ARHGEF4: variants seen among roughly 807,000 people sequenced by gnomAD.
The protein encoded by ARHGEF4 is Rho guanine nucleotide exchange factor 4.
A neutral mutation model predicts 162.0 loss-of-function variants in ARHGEF4; 119 were observed. The observed-to-expected ratio is 0.73, with a 90% CI of 0.63 to 0.86. The LOEUF (loss-of-function observed/expected upper bound fraction) is 0.86, where lower values mean the gene tolerates loss of function less well. ARHGEF4 is among the 40% of genes least tolerant of loss of function. ARHGEF4 has a pLI of 0.00. For synonymous variants in ARHGEF4, 1,014 were observed against 979.9 expected (o/e 1.03, Z -0.65); for missense variants, 2,488 against 2,456.0 (o/e 1.01, Z -0.28).
chr2:130,990,624 G>T (rs1406718844), intron 4 of ARHGEF4, among the ~76,000 whole-genome samples: 2 of 151,752 alleles, frequency 1.3e-5, no homozygotes, highest in Non-Finnish European at 2.9e-5. Context: ...GCCCTGAAGA[G>T]GAGAGTTGAG....
chr2:130,992,274 C>G (rs1204899330), intron 4 of ARHGEF4, among the ~76,000 whole-genome samples: 4 of 152,180 alleles, frequency 2.6e-5, no homozygotes, highest in Non-Finnish European at 5.9e-5. Context: ...TGCGCTAGCA[C>G]TGGCAACCTG....
rs947065168 is a variant in ARHGEF4 at position 131,035,754 on chromosome 2, C to G, written c.4126-3099C>G. ...TCCCACGGGCAGAGCCCCTCTGCCC[C>G]CCTTGCACGTGGGCCCTCTGAAGCC... On this transcript the variant is annotated intron_variant, in intron 5 of 13. Transcript: ENST00000409359. 1.5e-4 allele frequency: 149 copies of G among 984,702 alleles called. No individual in the cohort carries two copies. The African/African-American group carries it at 2.4e-3, about 16-fold the overall frequency. The allele number at this position is 984,702 out of a possible 1,614,324, so 61.0% of individuals were successfully genotyped here.
At chr2:130,883,188 G>A (rs913236055) in intron 1 of ARHGEF4, among the ~76,000 whole-genome samples, 2 of 152,078 alleles carry the variant, frequency 1.3e-5, no homozygotes, top group Non-Finnish European at 2.9e-5. Flanking sequence ...GTGAGGATTT[G>A]TTGAACTGAC....
intron 1 of ARHGEF4, among the ~76,000 whole-genome samples, chr2:130,864,970 C>G (rs935876638): frequency 2.4e-4 from 37 of 152,332 alleles, no homozygotes; most frequent in African/African-American, 7.0e-4. Context: ...GTTCTGGGAG[C>G]AGAGCCAGCC....
intron 1 of ARHGEF4, among the ~76,000 whole-genome samples, chr2:130,876,254 G>T (rs1021390573): frequency 3.3e-5 from 5 of 152,320 alleles, no homozygotes; most frequent in South Asian, 4.1e-4. Flanking sequence ...ATCACAGGAC[G>T]CTGCCTGACA....
At chr2:131,021,570 G>A (rs547789325) in intron 4 of ARHGEF4, among the ~76,000 whole-genome samples, 1 of 152,180 alleles carries the variant, frequency 6.6e-6, no homozygotes, top group Non-Finnish European at 1.5e-5. Context: ...ATAGGCATGG[G>A]CAAGGACTTC....
intron 1 of ARHGEF4, among the ~76,000 whole-genome samples, chr2:130,913,227 C>G (rs995738694): frequency 6.6e-6 from 1 of 152,070 alleles, no homozygotes; most frequent in Non-Finnish European, 1.5e-5. Flanking sequence ...AGGGATTGAC[C>G]GGGGAGGGGC....
intron 1 of ARHGEF4, among the ~76,000 whole-genome samples, chr2:130,902,919 T>C (rs1680575529): frequency 6.6e-6 from 1 of 152,240 alleles, no homozygotes; most frequent in Admixed American, 6.5e-5. Flanking sequence ...CCACAGGGGC[T>C]CTGTTTTTTT....
At chr2:130,955,433 ATT>A (rs763238803) in intron 4 of ARHGEF4, among the ~76,000 whole-genome samples, 36 of 152,078 alleles carry the variant, frequency 2.4e-4, no homozygotes, top group Non-Finnish European at 5.9e-5. Context: ...TGCTATTATT[ATT>A]TGCTTATTTA....
At chr2:130,926,915 G>A (rs1171287907) in intron 2 of ARHGEF4, among the ~76,000 whole-genome samples, 1 of 134,672 alleles carries the variant, frequency 7.4e-6, no homozygotes, top group African/African-American at 2.7e-5. Flanking sequence ...TTTCTGTTGG[G>A]GGGAGAAGTT....
chr2:130,975,010 A>G (rs762738054), intron 4 of ARHGEF4, among the ~76,000 whole-genome samples: 1 of 152,174 alleles, frequency 6.6e-6, no homozygotes, highest in South Asian at 2.1e-4. Flanking sequence ...TTAAAAAAAA[A>G]TAAGTTAGTC....
chr2:130,969,524 G>A (rs973070031), intron 4 of ARHGEF4, among the ~76,000 whole-genome samples: 17 of 151,980 alleles, frequency 1.1e-4, no homozygotes, highest in African/African-American at 3.4e-4. Context: ...GCATGAATCC[G>A]GGAGGTGGAG....
intron 4 of ARHGEF4, among the ~76,000 whole-genome samples, chr2:130,964,547 G>A (rs1322751277): frequency 6.6e-6 from 1 of 152,226 alleles, no homozygotes; most frequent in Non-Finnish European, 1.5e-5. Context: ...ACTGATTAAG[G>A]TGAGACTAGA....
At chr2:130,985,757 T>G (rs907858703) in intron 4 of ARHGEF4, among the ~76,000 whole-genome samples, 4 of 151,976 alleles carry the variant, frequency 2.6e-5, no homozygotes, top group Non-Finnish European at 5.9e-5. Context: ...TGGTGTGTGT[T>G]GTGTGTGTTT....
chr2:130,964,632 C>T (rs1684883649), intron 4 of ARHGEF4, among the ~76,000 whole-genome samples: 1 of 152,210 alleles, frequency 6.6e-6, no homozygotes, highest in African/African-American at 2.4e-5. Context: ...CTTTACCTAC[C>T]GCAGCTGCTT....
At chr2:131,026,508 G>A (rs1392000062) in intron 4 of ARHGEF4, among the ~76,000 whole-genome samples, 1 of 152,142 alleles carries the variant, frequency 6.6e-6, no homozygotes, top group African/African-American at 2.4e-5. Context: ...GAATGTGTGT[G>A]TATACATACA....
chr2:130,981,729 A>AC lies in ARHGEF4; in HGVS notation c.3985+35094_3985+35095insC, dbSNP rs201860341. Among the ~76,000 whole-genome samples, 981 of 152,158 alleles carry AC rather than the reference A, an allele frequency of 6.4e-3. 9 individuals are homozygous for AC. Among genetic ancestry groups the AC allele is most frequent in the African/African-American group, 0.023 (949 of 41,524 alleles). On this transcript the variant is annotated intron_variant, in intron 4 of 13. Transcript: ENST00000409359. ...AGACCCCCCATTCTTTTCCCCACTC[A>AC]GTTACCCTGGAGGCTGCAGTGTTAC... is the stretch of plus-strand genomic sequence containing the variant.
intron 5 of ARHGEF4, among the ~76,000 whole-genome samples, chr2:131,028,482 G>A (rs1257706135): frequency 6.6e-6 from 1 of 152,224 alleles, no homozygotes; most frequent in African/African-American, 2.4e-5. Flanking sequence ...GGAACAAGTT[G>A]AGGGAAAAAC....
chr2:130,949,278 A>T (rs750857842), intron 4 of ARHGEF4, among the ~76,000 whole-genome samples: 1 of 152,158 alleles, frequency 6.6e-6, no homozygotes. Flanking sequence ...TCCAAATTTC[A>T]GTTCATTTCC....
Sources: gnomAD v4.1 joint callset for allele counts (sites outside exome capture counted in the v4.1 genomes callset) on GRCh38, gnomAD v4.1.1 for gene constraint, MANE v1.5 for transcripts, NCBI Gene and HGNC (gene_info 2026-07-23, HGNC 2026-07-21) for gene names.